TBCD: variants seen among roughly 807,000 people sequenced by gnomAD.
TBCD encodes the protein tubulin-specific chaperone D.
A neutral mutation model predicts 169.3 loss-of-function variants in TBCD; 105 were observed. The ratio of observed to expected loss-of-function variants is 0.62; its 90% confidence interval spans 0.53 to 0.73. TBCD has a LOEUF of 0.73. Among genes scored for constraint, TBCD ranks in the 30% least tolerant of loss-of-function variants. The probability of loss-of-function intolerance (pLI) is 0.00; values close to 1 mark genes in which losing one functional copy is unlikely to be tolerated. For missense variants in TBCD, 1,444 were observed against 1,600.1 expected, an observed-to-expected ratio of 0.90 and a Z score of 1.66; for synonymous variants, 700 against 643.9, an observed-to-expected ratio of 1.09 and a Z score of -1.32.
At chr17:82,936,650 G>A (rs933072724) in intron 34 of TBCD, among the ~76,000 whole-genome samples, 6 of 152,158 alleles carry the variant, frequency 3.9e-5, no homozygotes, top group Middle Eastern at 3.2e-3. Flanking sequence ...CTTGACTCAC[G>A]GTCAGCAGTG....
At chr17:82,933,573 G>A (rs1263264443) in intron 34 of TBCD, among the ~76,000 whole-genome samples, 2 of 151,690 alleles carry the variant, frequency 1.3e-5, no homozygotes. Context: ...TCTGGGGCAC[G>A]TTGGGTCATC....
chr17:82,941,622 T>C (rs2063283109), intron 38 of TBCD, 139 bp downstream of exon 38: 2 of 754,058 alleles, frequency 2.7e-6, no homozygotes, highest in East Asian at 2.8e-5. Flanking sequence ...ACCCCTGGGA[T>C]TACGGGACCA....
Position 82,884,135 on chromosome 17 carries a change from T to C in TBCD, c.1476-10T>C. On this transcript the variant is annotated splice_polypyrimidine_tract_variant and intron_variant, in intron 14 of 38. Transcript: ENST00000355528. This position sits in a 1 kb window ranked among gnomAD's most constrained non-coding sequence, Gnocchi z 4.2. Reference sequence around the variant, plus strand: ...ATTTCTTTTTAATTAATCCTTTCTCTTTTTCACAGTGCACTGGTGATTGCT... The same window carrying C: ...ATTTCTTTTTAATTAATCCTTTCTCCTTTTCACAGTGCACTGGTGATTGCT... 1 of 1,603,906 alleles carries C rather than the reference T, an allele frequency of 6.2e-7. No individual in the cohort carries two copies. Among genetic ancestry groups the C allele is most frequent in the Non-Finnish European group, 8.5e-7 (1 of 1,174,392 alleles).
intron 6 of TBCD, among the ~76,000 whole-genome samples, chr17:82,777,615 C>G (rs1292477995): frequency 6.6e-6 from 1 of 152,212 alleles, no homozygotes; most frequent in Non-Finnish European, 1.5e-5. Flanking sequence ...AGATAAACAG[C>G]TTACATTATT....
intron 13 of TBCD, among the ~76,000 whole-genome samples, chr17:82,858,856 C>T (rs182067984): frequency 2.0e-5 from 3 of 152,188 alleles, no homozygotes; most frequent in Non-Finnish European, 4.4e-5. Flanking sequence ...GGGGCTACCC[C>T]GTGTAGACTT....
rs1022049122 is a variant in TBCD, at chr17:82,915,535, G to A, written c.2038+3746G>A. 6.6e-6 allele frequency among the ~76,000 whole-genome samples: 1 copy of A among 152,166 alleles called. No homozygotes were observed. Among genetic ancestry groups the A allele is most frequent in the Admixed American group, 6.5e-5 (1 of 15,274 alleles). On this transcript the variant is annotated intron_variant, in intron 23 of 38. Coordinates refer to ENST00000355528, the MANE Select transcript of TBCD (RefSeq NM_005993.5). This position sits in a 1 kb window ranked among gnomAD's most constrained non-coding sequence, Gnocchi z 4.3. ...TGCATTTCATGCTTTAGAATCAAAG[G>A]AAAGAAACAGGAACTCTGTTTAGTG...
chr17:82,857,983 G>GCT (rs895014265), intron 13 of TBCD, among the ~76,000 whole-genome samples: 6 of 151,984 alleles, frequency 3.9e-5, no homozygotes, highest in Non-Finnish European at 8.8e-5. Context: ...TATGATCACA[G>GCT]CTCACCGCAG....
In TBCD at chr17:82,831,124, C is replaced by A. The variant is rs376491772; in HGVS notation, c.1318+16190C>A. On this transcript the variant is annotated intron_variant, in intron 13 of 38. Transcript: ENST00000355528. The surrounding 1 kb of genome is among the most constrained non-coding windows in gnomAD (Gnocchi z 4.6). Reference sequence around the variant, plus strand: ...GAGGCTTTGCTCTGGCGGGTAGAGTCTTCCCAGTGCGCTGGAGGCTGCCTT... The same window carrying A: ...GAGGCTTTGCTCTGGCGGGTAGAGTATTCCCAGTGCGCTGGAGGCTGCCTT... The A allele has an allele frequency of 6.2e-7, 1 of 1,614,170 alleles. No homozygotes were observed. Among genetic ancestry groups the A allele is most frequent in the Admixed American group, 1.7e-5 (1 of 60,024 alleles).
At chr17:82,767,810 C>T (rs1399153322) in intron 4 of TBCD, among the ~76,000 whole-genome samples, 1 of 152,086 alleles carries the variant, frequency 6.6e-6, no homozygotes, top group Non-Finnish European at 1.5e-5. Context: ...CAAAAATTAG[C>T]CTAGCATGGT....
chr17:82,846,316 C>CCCTG (rs2055089127), intron 13 of TBCD, among the ~76,000 whole-genome samples: 2 of 146,110 alleles, frequency 1.4e-5, no homozygotes, highest in Non-Finnish European at 1.5e-5. Flanking sequence ...GTGCTGCGTC[C>CCCTG]AGCGTGCCGT....
intron 7 of TBCD, among the ~76,000 whole-genome samples, chr17:82,788,275 A>G (rs1169370257): frequency 2.0e-5 from 3 of 152,126 alleles, no homozygotes; most frequent in Non-Finnish European, 2.9e-5. Context: ...CTGTCATTTC[A>G]TGTGTGACTC....
At chr17:82,897,826 G>A (rs1221059949) in intron 17 of TBCD, among the ~76,000 whole-genome samples, 1 of 152,228 alleles carries the variant, frequency 6.6e-6, no homozygotes, top group Non-Finnish European at 1.5e-5. Flanking sequence ...TTCTCACTGT[G>A]TGGACGCCCC....
At chr17:82,937,870 G>A (rs1450403611) in intron 35 of TBCD, 179 bp from the exon 36 acceptor site, 89 of 1,510,544 alleles carry the variant, frequency 5.9e-5, no homozygotes, top group Non-Finnish European at 7.6e-5. Flanking sequence ...CGACACTCGT[G>A]TGTGTAGGCA....
intron 23 of TBCD, chr17:82,913,347 C>T (rs1256280984): frequency 1.3e-5 from 2 of 152,256 alleles, no homozygotes; most frequent in Non-Finnish European, 2.9e-5. Flanking sequence ...TAGGGTCGCT[C>T]TTGGTGTTTG....
intron 8 of TBCD, among the ~76,000 whole-genome samples, chr17:82,800,220 A>G (rs2050404216): frequency 6.6e-6 from 1 of 152,092 alleles, no homozygotes; most frequent in Non-Finnish European, 1.5e-5. Flanking sequence ...TGTCCCGGGA[A>G]TGCTGTCCTC....
intron 14 of TBCD, among the ~76,000 whole-genome samples, chr17:82,870,725 C>T (rs909588980): frequency 9.2e-5 from 14 of 152,218 alleles, no homozygotes; most frequent in Admixed American, 2.6e-4. Flanking sequence ...GTGATCGGCA[C>T]GCTGGGTGGC....
At chr17:82,912,327 G>A (rs552867966) in intron 23 of TBCD, among the ~76,000 whole-genome samples, 1 of 152,222 alleles carries the variant, frequency 6.6e-6, no homozygotes. Flanking sequence ...GATACCCCCC[G>A]GGGGTTAGGA....
At chr17:82,838,589 G>C (rs1567865370) in intron 13 of TBCD, 1 of 935,928 alleles carries the variant, frequency 1.1e-6, no homozygotes, top group Non-Finnish European at 1.3e-6. Flanking sequence ...CACCATTGTC[G>C]CCTACCCACT....
rs981965925 is a variant in TBCD at position 82,915,550 on chromosome 17, T to C, written c.2038+3761T>C. Among the ~76,000 whole-genome samples the C allele has an allele frequency of 6.6e-6, 1 of 152,130 alleles. No homozygotes were observed. The highest frequency in any genetic ancestry group is 2.4e-5 in the African/African-American group (1 of 41,410). On this transcript the variant is annotated intron_variant, in intron 23 of 38. Transcript: ENST00000355528. This position sits in a 1 kb window ranked among gnomAD's most constrained non-coding sequence, Gnocchi z 4.3. The stretch of plus-strand genomic sequence containing the variant: ...AGAATCAAAGGAAAGAAACAGGAAC[T>C]CTGTTTAGTGAAGCAGCGATGAAGG...
Sources: gnomAD v4.1 joint callset for allele counts (sites outside exome capture counted in the v4.1 genomes callset) on GRCh38, gnomAD v4.1.1 for gene constraint, Gnocchi (gnomAD v3.1) non-coding constraint, MANE v1.5 for transcripts, NCBI Gene and HGNC (gene_info 2026-07-23, HGNC 2026-07-21) for gene names.